Variants in RS1 observed in about 807,000 individuals in gnomAD.
RS1 encodes retinoschisin.
In RS1, 2 loss-of-function variants were observed where a neutral mutation model predicts 20.8. That is an observed-to-expected ratio of 0.10 (90% CI 0.04 to 0.30). RS1 has a LOEUF of 0.30. RS1 is among the 10% of genes least tolerant of loss of function. The pLI, the probability that RS1 is intolerant of heterozygous loss-of-function variation, is 1.00. For missense variants in RS1, 151 were observed against 189.8 expected, an observed-to-expected ratio of 0.80 and a Z score of 1.20; for synonymous variants, 70 against 75.8, an observed-to-expected ratio of 0.92 and a Z score of 0.40.
chrX:18,647,129 C>G, intron 4 of RS1, 62 bp downstream of exon 4: 1 of 1,174,290 alleles, frequency 8.5e-7, no homozygotes, highest in African/African-American at 1.8e-5. Flanking sequence ...GTTGGCCACG[C>G]TGGTAGAGAG....
chrX:18,656,112 C>G (rs1278412808), intron 3 of RS1, among the ~76,000 whole-genome samples: 1 of 106,501 alleles, frequency 9.4e-6, no homozygotes, highest in Non-Finnish European at 1.9e-5. Flanking sequence ...CCACCTCAGC[C>G]TCCTGAATAG....
chrX:18,667,559 A>C (rs1012527297), intron 1 of RS1, among the ~76,000 whole-genome samples: 1 of 109,830 alleles, frequency 9.1e-6, no homozygotes, highest in Non-Finnish European at 1.9e-5. Flanking sequence ...AAAAAAAAAA[A>C]AAAACAGTGC....
intron 1 of RS1, among the ~76,000 whole-genome samples, chrX:18,666,675 G>A (rs1928409592): frequency 9.0e-6 from 1 of 111,479 alleles, no homozygotes; most frequent in African/African-American, 3.3e-5. Flanking sequence ...GCAGTCATCC[G>A]AGGGAGAGAA....
At chrX:18,666,604 A>G (rs1204142610) in intron 1 of RS1, among the ~76,000 whole-genome samples, 1 of 111,480 alleles carries the variant, frequency 9.0e-6, no homozygotes, top group Non-Finnish European at 1.9e-5. Context: ...CCTCTGGTAC[A>G]ATGTTGTGGA....
At chrX:18,671,884 C>T (rs1602325854) in intron 1 of RS1, 133 bp downstream of exon 1, 1 of 598,855 alleles carries the variant, frequency 1.7e-6, no homozygotes, top group South Asian at 2.7e-5. Flanking sequence ...TCATTAATAA[C>T]ACATGTTAGT....
chrX:18,672,084 G>C lies in RS1; in HGVS notation c.-16C>G. ...TGCGTGACATCTTCCCCTCGTCCTCGGCCAAAGCTCTACCTTACTGAACTG... is the reference window on the plus strand; with the variant it reads ...TGCGTGACATCTTCCCCTCGTCCTCCGCCAAAGCTCTACCTTACTGAACTG... On this transcript the variant is annotated 5_prime_UTR_variant, in exon 1 of 6. Coordinates refer to ENST00000379984, the MANE Select transcript of RS1 (RefSeq NM_000330.4). 2 of 1,205,005 alleles carry C rather than the reference G, an allele frequency of 1.7e-6. No individual in the cohort carries two copies. Among genetic ancestry groups the C allele is most frequent in the Non-Finnish European group, 1.1e-6 (1 of 890,423 alleles).
At chrX:18,643,949 GTGTT>G (rs1927675443) in intron 5 of RS1, among the ~76,000 whole-genome samples, 1 of 111,461 alleles carries the variant, frequency 9.0e-6, no homozygotes. Flanking sequence ...AAGTTCGTCT[GTGTT>G]TGTGCTGGTG....
intron 1 of RS1, among the ~76,000 whole-genome samples, chrX:18,662,702 A>T (rs1260439204): frequency 4.9e-5 from 5 of 103,041 alleles, no homozygotes; most frequent in Admixed American, 2.2e-4. Context: ...ATCTTGGCTC[A>T]CTGCAAGCTC....
chrX:18,642,288 C>T, intron 5 of RS1, 132 bp from the exon 6 acceptor site: 1 of 657,584 alleles, frequency 1.5e-6, no homozygotes, highest in Admixed American at 2.6e-5. Flanking sequence ...TTGCGGGTGC[C>T]CCCCAAAATC....
Position 18,656,661 on chromosome X carries a change from C to T in RS1, c.176G>A (p.Cys59Tyr), listed in dbSNP as rs1928220547. 8.3e-7 allele frequency: 1 copy of T among 1,201,811 alleles called. No individual in the cohort carries two copies. Among genetic ancestry groups the T allele is most frequent in the Non-Finnish European group, 1.1e-6 (1 of 886,581 alleles). The change falls in exon 3 of 6, where the codon TGT (cysteine) becomes TAT (tyrosine). Residue 59 changes from cysteine to tyrosine, a missense_variant. Transcript: ENST00000379984. Reference sequence around the variant, plus strand: ...GGACAGGGGATACTCACCTGGTATACAGTCCAAGGAGGTGGCACCTGCAGA... The same window carrying T: ...GGACAGGGGATACTCACCTGGTATATAGTCCAAGGAGGTGGCACCTGCAGA... ...LWSAGATSLD[C>Y]IPECPYHKPL...
intron 3 of RS1, among the ~76,000 whole-genome samples, chrX:18,651,127 A>ACCACC (rs1300640102): frequency 1.5e-4 from 2 of 12,963 alleles, no homozygotes; most frequent in Non-Finnish European, 3.4e-4. Flanking sequence ...CCGTCCCCCC[A>ACCACC]CCACCGCACC....
rs376646141 is a variant in RS1 at position 18,670,930 on chromosome X, C to T, written c.52+1087G>A. The stretch of plus-strand genomic sequence containing the variant: ...ATATTGTCACCAGTCTTTCCAAATA[C>T]TGAGAAATGTGACTAAGTAACAAAA... On this transcript the variant is annotated intron_variant, in intron 1 of 5. Transcript: ENST00000379984. 1.2e-4 allele frequency among the ~76,000 whole-genome samples: 13 copies of T among 112,032 alleles called. No individual in the cohort carries two copies. The South Asian group carries it at 2.9e-3, about 25-fold the overall frequency.
intron 1 of RS1, among the ~76,000 whole-genome samples, chrX:18,663,616 G>T (rs1211707992): frequency 9.0e-6 from 1 of 111,311 alleles, no homozygotes; most frequent in African/African-American, 3.3e-5. Flanking sequence ...GAAGTGCTGG[G>T]ATTACAGTCG....
At chrX:18,651,256 T>A (rs1384946464) in intron 3 of RS1, among the ~76,000 whole-genome samples, 1 of 98,527 alleles carries the variant, frequency 1.0e-5, no homozygotes, top group African/African-American at 4.0e-5. Context: ...TGTGTGTGTG[T>A]GTGTGTGTGA....
chrX:18,666,862 G>A (rs1174539617), intron 1 of RS1, among the ~76,000 whole-genome samples: 1 of 110,978 alleles, frequency 9.0e-6, no homozygotes, highest in African/African-American at 3.3e-5. Flanking sequence ...TGCCATTTGC[G>A]GGGCGGGCGG....
Position 18,639,989 on chromosome X carries a change from G to C in RS1, c.*2015C>G, listed in dbSNP as rs1260009498. On this transcript the variant is annotated 3_prime_UTR_variant, in exon 6 of 6. Transcript: ENST00000379984. Reference sequence around the variant, plus strand: ...GAGACAGTCGATTCGTGGTTGCAGAGGGCTTGGGGTGGCCGATGGGTTGGG... The same window carrying C: ...GAGACAGTCGATTCGTGGTTGCAGACGGCTTGGGGTGGCCGATGGGTTGGG... 1 of 111,850 alleles carries C rather than the reference G, an allele frequency of 8.9e-6. No individual in the cohort carries two copies. Among genetic ancestry groups the C allele is most frequent in the African/African-American group, 3.3e-5 (1 of 30,742 alleles). The allele number at this position is 111,850 out of a possible 1,213,427, so 9.2% of individuals were successfully genotyped here. A position where few individuals can be genotyped will look rare whatever the true frequency, so the allele number is the denominator to read the frequency against.
At chrX:18,657,217 CTT>C (rs749358875) in intron 2 of RS1, among the ~76,000 whole-genome samples, 3 of 65,141 alleles carry the variant, frequency 4.6e-5, no homozygotes, top group Admixed American at 2.2e-4. Flanking sequence ...AAAAAAAATA[CTT>C]TTTTTTTTTT....
At chrX:18,650,187 A>G (rs1927969016) in intron 3 of RS1, 2 of 462,595 alleles carry the variant, frequency 4.3e-6, no homozygotes, top group Non-Finnish European at 7.7e-6. Context: ...GTACCTGGCC[A>G]GGGCCAATGG....
At chrX:18,651,083 T>C (rs1160234271) in intron 3 of RS1, among the ~76,000 whole-genome samples, 1 of 109,844 alleles carries the variant, frequency 9.1e-6, no homozygotes, top group East Asian at 2.9e-4. Context: ...CCATTGCCCC[T>C]CTATCCTACT....
Sources: allele counts gnomAD v4.1 joint callset (sites outside exome capture counted in the v4.1 genomes callset), GRCh38; gene constraint gnomAD v4.1.1; transcripts MANE v1.5; gene names NCBI Gene and HGNC (gene_info 2026-07-23, HGNC 2026-07-21).